SHANK2: variants seen among roughly 807,000 people sequenced by gnomAD.
SHANK2 encodes the protein SH3 and multiple ankyrin repeat domains 2.
In SHANK2, 43 loss-of-function variants were observed where a neutral mutation model predicts 133.7. The observed-to-expected ratio is 0.32, with a 90% CI of 0.25 to 0.41. The LOEUF (loss-of-function observed/expected upper bound fraction) is 0.41. SHANK2 is among the 10% of genes least tolerant of loss of function. SHANK2 has a pLI of 1.00. For missense variants in SHANK2, 1,994 were observed against 2,235.8 expected (o/e 0.89, Z 2.18); for synonymous variants, 1,017 against 952.8 (o/e 1.07, Z -1.24).
rs145040539 is a variant in SHANK2 at position 71,180,919 on chromosome 11, A to G, written c.-12-33581T>C. Among the ~76,000 whole-genome samples, 14 of 152,106 alleles carry G rather than the reference A, an allele frequency of 9.2e-5. No homozygotes were observed. The East Asian group carries it at 1.8e-3, about 19-fold the overall frequency. On this transcript the variant is annotated intron_variant, in intron 2 of 25. Transcript: ENST00000601538. Reference sequence around the variant, plus strand: ...GAGGCACAGCCCCGTCCGGCTGTCTAGTGTATTTCTGGCCATAAAGCAACC... The same window carrying G: ...GAGGCACAGCCCCGTCCGGCTGTCTGGTGTATTTCTGGCCATAAAGCAACC...
chr11:70,880,635 C>A (rs1347966217), intron 11 of SHANK2, among the ~76,000 whole-genome samples: 2 of 152,254 alleles, frequency 1.3e-5, no homozygotes, highest in African/African-American at 4.8e-5. Flanking sequence ...TCCTCGCCCA[C>A]CCCTGGGCTT....
intron 14 of SHANK2, among the ~76,000 whole-genome samples, chr11:70,700,612 CAGG>C (rs1233080527): frequency 6.6e-6 from 1 of 152,320 alleles, no homozygotes; most frequent in African/African-American, 2.4e-5. Context: ...TGCCCAGGTG[CAGG>C]AGGACACCTG....
chr11:70,820,257 G>A (rs1331467334), intron 12 of SHANK2, 107 bp downstream of exon 12: 4 of 577,528 alleles, frequency 6.9e-6, no homozygotes, highest in Non-Finnish European at 1.2e-5. Flanking sequence ...CATCTGGGTT[G>A]GAATAAAATG....
intron 9 of SHANK2, among the ~76,000 whole-genome samples, chr11:71,057,355 C>A (rs995809433): frequency 9.9e-5 from 15 of 151,396 alleles, no homozygotes; most frequent in African/African-American, 2.7e-4. Flanking sequence ...AACAAACAAA[C>A]AAAAAAAACA....
In SHANK2 at chr11:70,542,521, A is replaced by G. The variant is rs185501546; in HGVS notation, c.2062-39590T>C. Among the ~76,000 whole-genome samples, 128 of 152,282 alleles carry G rather than the reference A, an allele frequency of 8.4e-4. 1 individual carries two copies. Among genetic ancestry groups the G allele is most frequent in the African/African-American group, 2.7e-3 (112 of 41,552 alleles). ...AAAATCCATGTGTGTCGTTTGCAGC[A>G]CAGCCCCTGGAGGTGCATGTGGGCT... On this transcript the variant is annotated intron_variant, in intron 17 of 25. Coordinates refer to ENST00000601538, the MANE Select transcript of SHANK2 (RefSeq NM_012309.5).
chr11:70,885,998 G>C (rs1469259780), intron 11 of SHANK2, among the ~76,000 whole-genome samples: 1 of 152,164 alleles, frequency 6.6e-6, no homozygotes, highest in African/African-American at 2.4e-5. Context: ...CAGCTGACAT[G>C]AAAATGACAC....
rs60796828 is a variant in SHANK2, at chr11:71,234,362, A to AAAATAAATAAATAAAT, written c.-112-9582_-112-9567dup. 1.2e-3 allele frequency among the ~76,000 whole-genome samples: 169 copies of AAAATAAATAAATAAAT among 141,094 alleles called. 1 individual carries two copies. The highest frequency in any genetic ancestry group is 3.7e-3 in the African/African-American group (134 of 36,432). The allele number at this position is 141,094 out of a possible 152,430, so 92.6% of individuals were successfully genotyped here. A position where few individuals can be genotyped will look rare whatever the true frequency, so the allele number is the denominator to read the frequency against. ...GGGCAACAGAGCAAGACTCATCTCA[A>AAAATAAATAAATAAAT]AAATAAATAAATAAATAAATAAATA... On this transcript the variant is annotated intron_variant, in intron 1 of 25. Coordinates refer to ENST00000601538, the MANE Select transcript of SHANK2 (RefSeq NM_012309.5).
chr11:70,592,249 A>G lies in SHANK2; in HGVS notation c.2061+67579T>C, dbSNP rs189011048. On this transcript the variant is annotated intron_variant, in intron 17 of 25. Coordinates refer to ENST00000601538, the MANE Select transcript of SHANK2 (RefSeq NM_012309.5). ...CACGCAGGGGACAGGGGAAAGACAG[A>G]GGCAGCTGTCGCTGGTCCCCCAGGG... Among the ~76,000 whole-genome samples the G allele has an allele frequency of 5.2e-4, 79 of 152,174 alleles. 1 individual carries two copies. Among genetic ancestry groups the G allele is most frequent in the Middle Eastern group, 3.4e-3 (1 of 294 alleles).
At chr11:70,482,385 G>C (rs2058746722) in intron 25 of SHANK2, among the ~76,000 whole-genome samples, 1 of 152,224 alleles carries the variant, frequency 6.6e-6, no homozygotes, top group Non-Finnish European at 1.5e-5. Flanking sequence ...AGGCCTGAGA[G>C]CAGCCCCGCC....
At position 70,951,556 on chromosome 11, in the gene SHANK2, T is replaced by C. The variant is rs60042518; in HGVS notation, c.1108-54989A>G. Among the ~76,000 whole-genome samples the C allele has an allele frequency of 0.019, 1,071 of 55,426 alleles. 57 individuals are homozygous for C. In the East Asian group the frequency reaches 0.27, roughly 14 times the overall value. The allele number at this position is 55,426 out of a possible 152,430, so 36.4% of individuals were successfully genotyped here. On this transcript the variant is annotated intron_variant, in intron 10 of 25. Transcript: ENST00000601538. ...AAATTCATTTCCCCTGGCTGCTGCG[T>C]GGTGACGTCATAAATTCATTTCCTC... is the stretch of plus-strand genomic sequence containing the variant.
chr11:70,503,067 C>A lies in SHANK2; in HGVS notation c.2062-136G>T. On this transcript the variant is annotated intron_variant, in intron 17 of 25. Transcript: ENST00000601538. ...GAAGCAAAGGGAGTGAGACCGTCAT[C>A]TTTTTGGAAGCAAAGGTGCTTTTGG... 2 of 972,282 alleles carry A rather than the reference C, an allele frequency of 2.1e-6. 1 individual carries two copies. Among genetic ancestry groups the A allele is most frequent in the Non-Finnish European group, 3.3e-6 (2 of 613,034 alleles). 60.2% of individuals were successfully genotyped at this position (972,282 alleles called of 1,614,324 possible).
At chr11:70,587,849 T>C (rs1025241667) in intron 17 of SHANK2, among the ~76,000 whole-genome samples, 1 of 152,144 alleles carries the variant, frequency 6.6e-6, no homozygotes, top group Non-Finnish European at 1.5e-5. Flanking sequence ...GGATTCTGGG[T>C]GTGAGCCACT....
chr11:71,167,875 C>A (rs1406642938), intron 2 of SHANK2, among the ~76,000 whole-genome samples: 17 of 132,950 alleles, frequency 1.3e-4, no homozygotes, highest in South Asian at 5.0e-4. Context: ...GGCGGCCGGG[C>A]AGAGGCGCCC....
At chr11:70,758,687 C>T (rs1555039509) in intron 14 of SHANK2, among the ~76,000 whole-genome samples, 1 of 152,242 alleles carries the variant, frequency 6.6e-6, no homozygotes, top group Non-Finnish European at 1.5e-5. Context: ...AACAGAGGCT[C>T]TGAGGAAGAA....
At chr11:70,493,751 TA>T (rs1351091039) in intron 21 of SHANK2, among the ~76,000 whole-genome samples, 41 of 152,212 alleles carry the variant, frequency 2.7e-4, no homozygotes, top group Admixed American at 2.7e-3. Context: ...GCACTGGCCT[TA>T]CTCCCTGGGG....
At chr11:70,939,391 T>A (rs1950614683) in intron 10 of SHANK2, among the ~76,000 whole-genome samples, 1 of 152,102 alleles carries the variant, frequency 6.6e-6, no homozygotes, top group African/African-American at 2.4e-5. Context: ...GGAAGGAGAA[T>A]CACTTGAACC....
intron 3 of SHANK2, among the ~76,000 whole-genome samples, chr11:71,128,131 C>T (rs1197933585): frequency 3.3e-5 from 5 of 152,222 alleles, no homozygotes; most frequent in African/African-American, 1.2e-4. Flanking sequence ...GGCCCTGCTC[C>T]CTTTCCTGTC....
rs183477591 is a variant in SHANK2 at position 70,601,315 on chromosome 11, A to G, written c.2061+58513T>C. ...GCTCACTGCAACCTTTGCCTCCTGG[A>G]TTCAAGTGATTCTCCTGCCTCAGCC... On this transcript the variant is annotated intron_variant, in intron 17 of 25. Transcript: ENST00000601538. 6.7e-3 allele frequency among the ~76,000 whole-genome samples: 1,012 copies of G among 151,148 alleles called. 16 individuals are homozygous for G. The highest frequency in any genetic ancestry group is 0.024 in the African/African-American group (984 of 41,070).
intron 10 of SHANK2, among the ~76,000 whole-genome samples, chr11:70,918,574 C>T (rs893874698): frequency 5.9e-5 from 9 of 152,132 alleles, no homozygotes; most frequent in South Asian, 2.1e-4. Flanking sequence ...GGAGCAATCT[C>T]GGCTCACTGC....
Sources: allele counts gnomAD v4.1 joint callset (sites outside exome capture counted in the v4.1 genomes callset), GRCh38; gene constraint gnomAD v4.1.1; transcripts MANE v1.5; gene names NCBI Gene and HGNC (gene_info 2026-07-23, HGNC 2026-07-21).